Variants in ANO8 observed in about 807,000 individuals in gnomAD.
The protein encoded by ANO8 is anoctamin 8.
A neutral mutation model predicts 120.4 loss-of-function variants in ANO8; 67 were observed. The observed-to-expected ratio is 0.56, with a 90% CI of 0.46 to 0.68. The LOEUF (loss-of-function observed/expected upper bound fraction) is 0.68. Among genes scored for constraint, ANO8 ranks in the 30% least tolerant of loss-of-function variants. ANO8 has a pLI of 0.00. For synonymous variants in ANO8, 727 were observed against 759.2 expected, an observed-to-expected ratio of 0.96 and a Z score of 0.70; for missense variants, 1,526 against 1,737.6, an observed-to-expected ratio of 0.88 and a Z score of 2.16.
chr19:17,325,353 G>C lies in ANO8; in HGVS notation c.2695C>G (p.Gln899Glu), dbSNP rs1205277864. Residue 899 changes from glutamine (Q) to glutamate (E), a missense_variant, in exon 17 of 18, where the codon CAG (glutamine) becomes GAG (glutamate). Physicochemically the swap from Gln to Glu is conservative, Grantham distance 29. Transcript: ENST00000159087. ...TCCTCCCGCCGCCTGCGCTGCTGCTGCTGGTAGCGATGCTGGGCCTGGCGC... is the reference window on the plus strand; with the variant it reads ...TCCTCCCGCCGCCTGCGCTGCTGCTCCTGGTAGCGATGCTGGGCCTGGCGC... Reference protein sequence around the residue: ...HERQAQHRYQQQQRRRREEEE... With the variant: ...HERQAQHRYQEQQRRRREEEE... 2 of 1,597,824 alleles carry C rather than the reference G, an allele frequency of 1.3e-6. No homozygotes were observed. The highest frequency in any genetic ancestry group is 1.1e-5 in the South Asian group (1 of 90,526).
In ANO8 at chr19:17,324,941, C is replaced by A; in HGVS notation, c.3107G>T (p.Arg1036Leu). 2 of 1,613,296 alleles carry A rather than the reference C, an allele frequency of 1.2e-6. No individual in the cohort carries two copies. Among genetic ancestry groups the A allele is most frequent in the South Asian group, 1.1e-5 (1 of 91,078 alleles). The part of the protein sequence containing the change: ...SFKFLKSPET[R>L]RDSERSHSPP... ...TGAGTGGCTGCGCTCAGAGTCCCGCCGGGTCTCGGGTGACTTGAGGAACTT... is the reference window on the plus strand; with the variant it reads ...TGAGTGGCTGCGCTCAGAGTCCCGCAGGGTCTCGGGTGACTTGAGGAACTT... Residue 1036 changes from arginine to leucine, a missense_variant, in exon 17 of 18, where the codon CGG becomes CTG. Physicochemically the swap from Arg to Leu is moderately radical, Grantham distance 102 (BLOSUM62 -2). This residue lies in a region of ANO8 where 489 missense variants were observed against 548.6 expected (regional missense o/e 0.89). Transcript: ENST00000159087.
Position 17,328,155 on chromosome 19 carries a change from T to TG in ANO8, c.2226+6_2226+7insC. ...CCGCCCCCTGCGAGGCCCCGCCCCC[T>TG]CCTCACCTCGTACTTCTTCATACAG... On this transcript the variant is annotated splice_region_variant and intron_variant, in intron 13 of 17. Coordinates refer to ENST00000159087, the MANE Select transcript of ANO8 (RefSeq NM_020959.3). The TG allele has an allele frequency of 3.1e-6, 4 of 1,304,938 alleles. No homozygotes were observed. The highest frequency in any genetic ancestry group is 4.1e-6 in the Non-Finnish European group (4 of 968,158). 80.8% of individuals were successfully genotyped at this position (1,304,938 alleles called of 1,614,324 possible). A position where few individuals can be genotyped will look rare whatever the true frequency, so the allele number is the denominator to read the frequency against.
At chr19:17,328,000 G>A in intron 13 of ANO8, 120 bp from the exon 14 acceptor site, 1 of 1,424,462 alleles carries the variant, frequency 7.0e-7, no homozygotes, top group East Asian at 2.4e-5. Flanking sequence ...TCCTCAGCCA[G>A]CCCAGAGGCT....
At position 17,334,591 on chromosome 19, in the gene ANO8, G is replaced by T. The variant is rs1218636744; in HGVS notation, c.80C>A (p.Pro27His). ...RGKRPPPEGE[P>H]AAPASGVLDK... ...CAGAACTCCGGACGCCGGGGCTGCA[G>T]GCTCGCCCTCCGGCGGGGGCCTCTT... The change falls in exon 1 of 18, where the codon CCT becomes CAT. Residue 27 changes from proline to histidine, a missense_variant. By Grantham distance (77) the Pro-to-His change is moderately conservative. Around this residue, in one of 8 missense-constraint regions of ANO8, gnomAD observed 53 missense variants for 45.0 expected, o/e 1.18. Coordinates refer to ENST00000159087, the MANE Select transcript of ANO8 (RefSeq NM_020959.3). The T allele has an allele frequency of 2.6e-6, 4 of 1,551,126 alleles. No homozygotes were observed. The highest frequency in any genetic ancestry group is 2.8e-5 in the African/African-American group (2 of 70,884).
chr19:17,333,856 T>A lies in ANO8; in HGVS notation c.107-56A>T, dbSNP rs1408502832. On this transcript the variant is annotated intron_variant, in intron 1 of 17. Transcript: ENST00000159087. The surrounding 1 kb of genome is among the most constrained non-coding windows in gnomAD (Gnocchi z 7.2). ...GCCACTCTGGGATCCGGACCCGGCC[T>A]CCAGTCTTGGCTCCTCCTGCCCCCG... The A allele has an allele frequency of 2.1e-6, 3 of 1,463,012 alleles. No homozygotes were observed. The African/African-American group carries it at 4.2e-5, about 21-fold the overall frequency. 90.6% of individuals were successfully genotyped at this position (1,463,012 alleles called of 1,614,324 possible).
Position 17,328,302 on chromosome 19 carries a change from C to A in ANO8, c.2086G>T (p.Asp696Tyr). 1 of 1,602,102 alleles carries A rather than the reference C, an allele frequency of 6.2e-7. No individual in the cohort carries two copies. Among genetic ancestry groups the A allele is most frequent in the East Asian group, 2.2e-5 (1 of 44,498 alleles). Reference sequence around the variant, plus strand: ...TCGCTGTTGGAGCCGGGTTCCGGGTCCGGGCCCCCGTCGGGCCCCTGGTCT... The same window carrying A: ...TCGCTGTTGGAGCCGGGTTCCGGGTACGGGCCCCCGTCGGGCCCCTGGTCT... ...GRDQGPDGGPDPEPGSNSDST... is the reference protein window; with the variant it reads ...GRDQGPDGGPYPEPGSNSDST... The change falls in exon 13 of 18, where the codon GAC (aspartate) becomes TAC (tyrosine). Residue 696 changes from aspartate (D) to tyrosine (Y), a missense_variant. Asp to Tyr is a radical substitution (Grantham distance 160). Transcript: ENST00000159087.
chr19:17,328,629 C>A lies in ANO8; in HGVS notation c.1759G>T (p.Asp587Tyr), dbSNP rs762382640. The A allele has an allele frequency of 7.8e-6, 12 of 1,532,328 alleles. No homozygotes were observed. The South Asian group carries it at 1.3e-4, about 17-fold the overall frequency. The allele number at this position is 1,532,328 out of a possible 1,614,324, so 94.9% of individuals were successfully genotyped here. A position where few individuals can be genotyped will look rare whatever the true frequency, so the allele number is the denominator to read the frequency against. Reference protein sequence around the residue: ...PPGGKEEDEDDEEEEDEEEEE... With the variant: ...PPGGKEEDEDYEEEEDEEEEE... ...TCCTCCTCGTCCTCCTCCTCCTCGT[C>A]GTCCTCGTCCTCCTCCTTGCCCCCT... is the stretch of plus-strand genomic sequence containing the variant. The change falls in exon 13 of 18, where the codon GAC becomes TAC. Residue 587 changes from aspartate to tyrosine, a missense_variant. By Grantham distance (160) the Asp-to-Tyr change is radical (BLOSUM62 -3). Around this residue, in one of 8 missense-constraint regions of ANO8, gnomAD observed 467 missense variants for 425.8 expected, o/e 1.10. Coordinates refer to ENST00000159087, the MANE Select transcript of ANO8 (RefSeq NM_020959.3).
rs201880874 is a variant in ANO8, at chr19:17,330,050, G to T, written c.1274-36C>A. ...AGGGGGGGAGTGAGGGGGCAGCCGC[G>T]GTCCCCCCAAGGGTGGCAGGGATCC... On this transcript the variant is annotated intron_variant, in intron 10 of 17. Transcript: ENST00000159087. 6.6e-4 allele frequency: 1,061 copies of T among 1,613,880 alleles called. 1 individual carries two copies. Among genetic ancestry groups the T allele is most frequent in the African/African-American group, 3.6e-3 (269 of 75,000 alleles).
In ANO8 at chr19:17,333,757, C is replaced by G; in HGVS notation, c.150G>C (p.Leu50=). ...TCTTCATCCACGCCTTGTGGGACAC[C>G]AGGTAGCGACCAGCCTGCAGGAGCC... ...GKRLLQAGRY[L]VSHKAWMKTV... is the part of the protein sequence containing the mutation. The change falls in exon 2 of 18, where the codon CTG becomes CTC. Residue 50 remains leucine (L), a synonymous_variant. Coordinates refer to ENST00000159087, the MANE Select transcript of ANO8 (RefSeq NM_020959.3). This position sits in a 1 kb window ranked among gnomAD's most constrained non-coding sequence, Gnocchi z 7.2. 1 of 1,608,044 alleles carries G rather than the reference C, an allele frequency of 6.2e-7. No homozygotes were observed. Among genetic ancestry groups the G allele is most frequent in the Non-Finnish European group, 8.5e-7 (1 of 1,178,276 alleles).
chr19:17,327,372 C>T (rs2074279474), intron 15 of ANO8, 27 bp from the exon 16 acceptor site: 3 of 1,550,200 alleles, frequency 1.9e-6, no homozygotes, highest in Non-Finnish European at 2.6e-6. Flanking sequence ...GAGGAGGCTG[C>T]AGGCTGCAGA....
Position 17,330,361 on chromosome 19 carries a change from G to A in ANO8, c.1137C>T (p.Phe379=), listed in dbSNP as rs1753021148. ...VCVFLLMLGC[F]QLQELVLSVK... ...GGGTATGGGGGGTCACCTGCAGCTG[G>A]AAGCAGCCAAGCATGAGCAAGAAGA... is the stretch of plus-strand genomic sequence containing the variant. The change falls in exon 9 of 18, where the codon TTC becomes TTT. Residue 379 remains phenylalanine (F), a synonymous_variant. Transcript: ENST00000159087. 6.3e-7 allele frequency: 1 copy of A among 1,599,430 alleles called. No individual in the cohort carries two copies. Among genetic ancestry groups the A allele is most frequent in the Non-Finnish European group, 8.5e-7 (1 of 1,172,128 alleles).
chr19:17,334,640 TGCCCCCGGCGCCGGAGGCGGCCTC>T lies in ANO8; in HGVS notation c.7_30del (p.Glu3_Gly10del). 6.7e-7 allele frequency: 1 copy of T among 1,490,874 alleles called. No individual in the cohort carries two copies. Among genetic ancestry groups the T allele is most frequent in the Non-Finnish European group, 8.9e-7 (1 of 1,128,652 alleles). 92.4% of individuals were successfully genotyped at this position (1,490,874 alleles called of 1,614,324 possible). A position where few individuals can be genotyped will look rare whatever the true frequency, so the allele number is the denominator to read the frequency against. On this transcript the variant is annotated inframe_deletion, in exon 1 of 18. Transcript: ENST00000159087. ...TTGCCACGCTCGCCCTCCAGGGACGTGCCCCCGGCGCCGGAGGCGGCCTCGGCCATGGCGAGGACAGGTCAGGTC... is the reference window on the plus strand; with the variant it reads ...TTGCCACGCTCGCCCTCCAGGGACGTGGCCATGGCGAGGACAGGTCAGGTC...
chr19:17,332,226 C>T (rs959293612), intron 5 of ANO8, among the ~76,000 whole-genome samples: 32 of 148,102 alleles, frequency 2.2e-4, no homozygotes, highest in Admixed American at 6.7e-4. Flanking sequence ...TCAGCCACCG[C>T]GCCCGGCCTT....
At chr19:17,331,838 G>A (rs2074320695) in intron 5 of ANO8, among the ~76,000 whole-genome samples, 1 of 151,554 alleles carries the variant, frequency 6.6e-6, no homozygotes, top group East Asian at 1.9e-4. Context: ...TCGCCATGTT[G>A]GCCAGGCTGG....
chr19:17,327,244 C>A lies in ANO8; in HGVS notation c.2652G>T (p.Glu884Asp). Reference sequence around the variant, plus strand: ...AGCCTGGCCCCCCTACCTTAAAGGCCTCGCGGCGCTGGTACTCCAGCTTGG... The same window carrying A: ...AGCCTGGCCCCCCTACCTTAAAGGCATCGCGGCGCTGGTACTCCAGCTTGG... ...EMAKLEYQRR[E>D]AFKRHERQAQ... Residue 884 changes from glutamate to aspartate, a missense_variant, in exon 16 of 18, where the codon GAG (glutamate) becomes GAT (aspartate). Glu to Asp is a conservative substitution (Grantham distance 45). Transcript: ENST00000159087. 1 of 1,544,006 alleles carries A rather than the reference C, an allele frequency of 6.5e-7. No homozygotes were observed.
At chr19:17,329,106 T>G in intron 12 of ANO8, 123 bp from the exon 13 acceptor site, 5 of 750,666 alleles carry the variant, frequency 6.7e-6, no homozygotes, top group Non-Finnish European at 9.9e-6. Context: ...CGAATCCGGT[T>G]CCTAACTCCG....
rs952085103 is a variant in ANO8, at chr19:17,323,282, A to C, written c.*235T>G. The C allele has an allele frequency of 5.3e-5, 17 of 322,116 alleles. No individual in the cohort carries two copies. The highest frequency in any genetic ancestry group is 9.0e-5 in the Non-Finnish European group (16 of 177,694). The allele number at this position is 322,116 out of a possible 1,614,324, so 20.0% of individuals were successfully genotyped here. A position where few individuals can be genotyped will look rare whatever the true frequency, so the allele number is the denominator to read the frequency against. On this transcript the variant is annotated 3_prime_UTR_variant, in exon 18 of 18. Coordinates refer to ENST00000159087, the MANE Select transcript of ANO8 (RefSeq NM_020959.3). ...CGTTTTACAAAAATATGACAAAATAAATTAAAAACAAATAAATAATCGCCT... is the reference window on the plus strand; with the variant it reads ...CGTTTTACAAAAATATGACAAAATACATTAAAAACAAATAAATAATCGCCT...
rs2074331433 is a variant in ANO8, at chr19:17,333,084, C to T, written c.489+17G>A. 3.1e-6 allele frequency: 5 copies of T among 1,613,580 alleles called. No individual in the cohort carries two copies. Among genetic ancestry groups the T allele is most frequent in the African/African-American group, 1.3e-5 (1 of 74,940 alleles). The stretch of plus-strand genomic sequence containing the variant: ...CATAGGCACAGGATGCATGCGGGGG[C>T]CCAGAGCCGGCCTCACCTGGGAGGT... On this transcript the variant is annotated intron_variant, in intron 4 of 17. Transcript: ENST00000159087. This position sits in a 1 kb window ranked among gnomAD's most constrained non-coding sequence, Gnocchi z 7.2.
intron 17 of ANO8, 35 bp downstream of exon 17, chr19:17,324,681 GC>G: frequency 6.6e-7 from 1 of 1,513,992 alleles, no homozygotes; most frequent in African/African-American, 1.4e-5. Flanking sequence ...CCCAAAGCCG[GC>G]CCGGCGTCCC....
Sources: gnomAD v4.1 joint callset for allele counts (sites outside exome capture counted in the v4.1 genomes callset) on GRCh38, gnomAD v4.1.1 for gene constraint, gnomAD v4.1.1 regional missense constraint, Gnocchi (gnomAD v3.1) non-coding constraint, MANE v1.5 for transcripts, NCBI Gene and HGNC (gene_info 2026-07-23, HGNC 2026-07-21) for gene names.